The following MUC6 variants were observed in gnomAD, a reference collection of about 807,000 sequenced individuals.
The protein encoded by MUC6 is mucin 6, oligomeric mucus/gel-forming (gene/pseudogene), also known as mucin-6.
MUC6 carries 188 observed loss-of-function variants against 201.5 expected under a neutral mutation model. The ratio of observed to expected loss-of-function variants is 0.93; its 90% CI spans 0.83 to 1.05. MUC6 has a LOEUF of 1.05. Ranked by LOEUF, MUC6 falls within the 50% of genes least tolerant of loss-of-function variation. MUC6 has a pLI of 0.00. For missense variants in MUC6, 2,706 were observed against 3,256.9 expected, an observed-to-expected ratio of 0.83 and a Z score of 4.12; for synonymous variants, 1,228 against 1,389.4, an observed-to-expected ratio of 0.88 and a Z score of 2.58.
At position 1,033,232 on chromosome 11, in the gene MUC6, C is replaced by T. The variant is rs777681190; in HGVS notation, c.53-157G>A. On this transcript the variant is annotated intron_variant, in intron 1 of 32. Transcript: ENST00000421673. This position sits in a 1 kb window ranked among gnomAD's most constrained non-coding sequence, Gnocchi z 5.6. ...GGGGCTCGAGGCCTCAACAGCAAGC[C>T]AAGCGCTTGGCCTCCCATGCTGTCC... is the stretch of plus-strand genomic sequence containing the variant. 2 of 674,358 alleles carry T rather than the reference C, an allele frequency of 3.0e-6. No individual in the cohort carries two copies. The highest frequency in any genetic ancestry group is 1.7e-5 in the South Asian group (1 of 60,238). The allele number at this position is 674,358 out of a possible 1,614,324, so 41.8% of individuals were successfully genotyped here.
rs1423448090 is a variant in MUC6, at chr11:1,027,197, CAAGA to C, written c.2232-8_2232-5del. 1 of 1,612,178 alleles carries C rather than the reference CAAGA, an allele frequency of 6.2e-7. No homozygotes were observed. Among genetic ancestry groups the C allele is most frequent in the Non-Finnish European group, 8.5e-7 (1 of 1,179,708 alleles). ...CAGCCGCCCGTTGATGCAGTGGCTGCAAGAGAGAGGCTGCGTGAGACCCCGGGAC... is the reference window on the plus strand; with the variant it reads ...CAGCCGCCCGTTGATGCAGTGGCTGCGAGAGGCTGCGTGAGACCCCGGGAC... On this transcript the variant is annotated splice_polypyrimidine_tract_variant and splice_region_variant and intron_variant, in intron 17 of 32. Transcript: ENST00000421673.
Position 1,027,277 on chromosome 11 carries a change from C to T in MUC6, c.2222G>A (p.Gly741Asp). 1 of 1,612,394 alleles carries T rather than the reference C, an allele frequency of 6.2e-7. No individual in the cohort carries two copies. Among genetic ancestry groups the T allele is most frequent in the Non-Finnish European group, 8.5e-7 (1 of 1,179,824 alleles). ...CTGCCCGGTCCCTCACCAGGTGATG[C>T]CGTTGATGACAGTGGACTGCTCGGC... ...ILAEQSTVIN[G>D]ITCHCINGRL... is the part of the protein sequence containing the mutation. The change falls in exon 17 of 33, where the codon GGC becomes GAC. Residue 741 changes from glycine to aspartate, a missense_variant. Physicochemically the swap from Gly to Asp is moderately conservative, Grantham distance 94. Transcript: ENST00000421673.
In MUC6 at chr11:1,031,991, C is replaced by A; in HGVS notation, c.178G>T (p.Val60Leu). The part of the protein sequence containing the change: ...AGHFSTFDHH[V>L]YDFSGTCNYI... Reference sequence around the variant, plus strand: ...TTGCACGTCCCCGAGAAGTCGTACACGTGGTGGTCGAAGGTGGAGAAGTGA... The same window carrying A: ...TTGCACGTCCCCGAGAAGTCGTACAAGTGGTGGTCGAAGGTGGAGAAGTGA... Residue 60 changes from valine (V) to leucine (L), a missense_variant, in exon 3 of 33, where the codon GTG becomes TTG. Physicochemically the swap from Val to Leu is conservative, Grantham distance 32. Coordinates refer to ENST00000421673, the MANE Select transcript of MUC6 (RefSeq NM_005961.3). The A allele has an allele frequency of 1.2e-6, 2 of 1,613,634 alleles. No homozygotes were observed. The highest frequency in any genetic ancestry group is 1.7e-5 in the Admixed American group (1 of 60,028).
chr11:1,019,234 T>C, intron 30 of MUC6, 41 bp downstream of exon 30: 1 of 1,589,622 alleles, frequency 6.3e-7, no homozygotes, highest in Non-Finnish European at 8.6e-7. Context: ...TGGGACCGGG[T>C]GCCTTCGGCA....
chr11:1,029,467 C>T, intron 9 of MUC6, 28 bp downstream of exon 9: 2 of 1,610,250 alleles, frequency 1.2e-6, no homozygotes, highest in Non-Finnish European at 1.7e-6. Context: ...TGCCGGCCGG[C>T]CAGAGCCCCC....
chr11:1,019,216 G>A, intron 30 of MUC6, 59 bp downstream of exon 30: 1 of 1,532,216 alleles, frequency 6.5e-7, no homozygotes, highest in Non-Finnish European at 9.0e-7. Context: ...CTGAATGTGA[G>A]CTGGTGGTGG....
intron 6 of MUC6, 52 bp downstream of exon 6, chr11:1,030,895 C>T (rs1283343555): frequency 1.1e-5 from 17 of 1,536,534 alleles, no homozygotes; most frequent in South Asian, 4.8e-5. Context: ...TTGGTGGTCT[C>T]GGCGACCCTG....
In MUC6 at chr11:1,026,486, G is replaced by T; in HGVS notation, c.2395-8C>A. On this transcript the variant is annotated splice_polypyrimidine_tract_variant and splice_region_variant and intron_variant, in intron 19 of 32. Coordinates refer to ENST00000421673, the MANE Select transcript of MUC6 (RefSeq NM_005961.3). ...CTCACACTTGGTGGGCACCTGGAGG[G>T]AGGCAGGTCAGCAGCTCCTGGGAGG... 1 of 1,577,578 alleles carries T rather than the reference G, an allele frequency of 6.3e-7. No homozygotes were observed.
chr11:1,020,828 C>T, intron 27 of MUC6, 94 bp from the exon 28 acceptor site: 1 of 1,478,634 alleles, frequency 6.8e-7, no homozygotes, highest in South Asian at 1.2e-5. Context: ...CAGAGATGCT[C>T]ACCAAGGCTG....
At chr11:1,014,838 C>A (rs1054471085) in intron 31 of MUC6, among the ~76,000 whole-genome samples, 3 of 152,174 alleles carry the variant, frequency 2.0e-5, no homozygotes, top group Non-Finnish European at 4.4e-5. Context: ...CCCTGCCGTC[C>A]CCAGCTGCCC....
rs1451538788 is a variant in MUC6, at chr11:1,031,685, G to A, written c.405C>T (p.Phe135=). 8 of 1,550,820 alleles carry A rather than the reference G, an allele frequency of 5.2e-6. No individual in the cohort carries two copies. The highest frequency in any genetic ancestry group is 1.7e-4 in the Middle Eastern group (1 of 6,002). The change falls in exon 4 of 33, where the codon TTC becomes TTT. Residue 135 remains phenylalanine (F), a synonymous_variant. Transcript: ENST00000421673. ...YTSNGLQITP[F]GQSVRLVAKQ... is the part of the protein sequence containing the mutation. ...TGGCCACCAGCCGCACGCTCTGGCC[G>A]AAGGGTGTGATCTGGAGTCCATTGC...
At chr11:1,014,343 G>A (rs1384271465) in intron 31 of MUC6, among the ~76,000 whole-genome samples, 1 of 152,228 alleles carries the variant, frequency 6.6e-6, no homozygotes, top group African/African-American at 2.4e-5. Flanking sequence ...ACACTGACCT[G>A]TGGGCATGGG....
rs749618247 is a variant in MUC6, at chr11:1,016,411, T to C, written c.6390A>G (p.Ser2130=). 14 of 1,612,812 alleles carry C rather than the reference T, an allele frequency of 8.7e-6. 1 individual carries two copies. The South Asian group carries it at 1.3e-4, about 15-fold the overall frequency. The change falls in exon 31 of 33, where the codon TCA becomes TCG. Residue 2130 remains serine, a synonymous_variant. Transcript: ENST00000421673. ...PVSTTNQLSS[S]FSPSPSAPST... is the part of the protein sequence containing the mutation. ...AGGGGGCAGAAGGACTGGGAGAAAA[T>C]GAGGAGGACAGCTGATTAGTTGTGG...
intron 25 of MUC6, 30 bp from the exon 26 acceptor site, chr11:1,023,682 GGTTCCT>G (rs775871444): frequency 1.2e-6 from 2 of 1,607,838 alleles, no homozygotes; most frequent in Admixed American, 3.3e-5. Context: ...CAGCTGGTGG[GGTTCCT>G]GGCCCTGGCC....
In MUC6 at chr11:1,019,323, T is replaced by A. The variant is rs1420427974; in HGVS notation, c.3982A>T (p.Thr1328Ser). ...TSTAQSTTRT[T>S]MTLPTPATSG... ...GTGGCTGGGGTTGGTAGTGTCATTGTGGTCCGTGTTGTGGACTGAGCTGTG... is the reference window on the plus strand; with the variant it reads ...GTGGCTGGGGTTGGTAGTGTCATTGAGGTCCGTGTTGTGGACTGAGCTGTG... Residue 1328 changes from threonine (T) to serine (S), a missense_variant, in exon 30 of 33, where the codon ACA becomes TCA. Thr to Ser is a moderately conservative substitution (Grantham distance 58). Around this residue, in one of 10 missense-constraint regions of MUC6, gnomAD observed 1,850 missense variants for 1,958.3 expected, o/e 0.94. Transcript: ENST00000421673. 3.7e-6 allele frequency: 6 copies of A among 1,613,934 alleles called. No homozygotes were observed. The African/African-American group carries it at 8.0e-5, about 22-fold the overall frequency.
rs1013474195 is a variant in MUC6 at position 1,013,424 on chromosome 11, C to T, written c.*32G>A. ...GTTTTCCTGTCTGTCATCTGCAGTC[C>T]TTCAGCCCCAGGAGAGCAGGCAGCG... is the stretch of plus-strand genomic sequence containing the variant. On this transcript the variant is annotated 3_prime_UTR_variant, in exon 33 of 33. Transcript: ENST00000421673. 9 of 1,542,194 alleles carry T rather than the reference C, an allele frequency of 5.8e-6. No homozygotes were observed. The highest frequency in any genetic ancestry group is 2.7e-5 in the African/African-American group (2 of 72,762).
chr11:1,027,215 A>T, intron 17 of MUC6, 22 bp from the exon 18 acceptor site: 1 of 1,612,172 alleles, frequency 6.2e-7, no homozygotes, highest in Non-Finnish European at 8.5e-7. Context: ...AGGCTGCGTG[A>T]GACCCCGGGA....
At position 1,023,898 on chromosome 11, in the gene MUC6, C is replaced by T. The variant is rs370095541; in HGVS notation, c.3382+49G>A. On this transcript the variant is annotated intron_variant, in intron 25 of 32. Coordinates refer to ENST00000421673, the MANE Select transcript of MUC6 (RefSeq NM_005961.3). ...GCAGCCCTGCGCCGGCCCTTAGTGG[C>T]GCTGGGTGGCAGGGGCTGGAGCAAC... The T allele has an allele frequency of 1.1e-5, 17 of 1,593,372 alleles. No individual in the cohort carries two copies. In the African/African-American group the frequency reaches 1.2e-4, roughly 11 times the overall value.
intron 19 of MUC6, 83 bp from the exon 20 acceptor site, chr11:1,026,561 G>A (rs73405208): frequency 5.6e-5 from 78 of 1,389,720 alleles, no homozygotes; most frequent in East Asian, 3.8e-4. Flanking sequence ...GAGACTGCCC[G>A]GCGTGTCTCC....
Sources: gnomAD v4.1 joint callset for allele counts (sites outside exome capture counted in the v4.1 genomes callset) on GRCh38, gnomAD v4.1.1 for gene constraint, gnomAD v4.1.1 regional missense constraint, Gnocchi (gnomAD v3.1) non-coding constraint, MANE v1.5 for transcripts, NCBI Gene and HGNC (gene_info 2026-07-23, HGNC 2026-07-21) for gene names.